KSR1: variants seen among roughly 807,000 people sequenced by gnomAD.
KSR1 encodes the protein kinase suppressor of ras.
KSR1 carries 35 observed loss-of-function variants against 92.9 expected under a neutral mutation model. The observed-to-expected ratio is 0.38, with a 90% CI of 0.29 to 0.50. The LOEUF (loss-of-function observed/expected upper bound fraction) is 0.50, where lower values mean the gene tolerates loss of function less well. Among genes scored for constraint, KSR1 ranks in the 20% least tolerant of loss-of-function variants. KSR1 has a pLI of 0.94. For missense variants in KSR1, 972 were observed against 1,158.5 expected (o/e 0.84, Z 2.34); for synonymous variants, 467 against 472.6 (o/e 0.99, Z 0.15).
Position 27,588,517 on chromosome 17 carries a change from G to T in KSR1, c.1028G>T (p.Gly343Val). 1 of 1,592,870 alleles carries T rather than the reference G, an allele frequency of 6.3e-7. No individual in the cohort carries two copies. Among genetic ancestry groups the T allele is most frequent in the East Asian group, 2.3e-5 (1 of 43,984 alleles). ...GSPQMVRRDI[G>V]LSVTHRFSTK... Reference sequence around the variant, plus strand: ...CCACAGATGGTACGGAGGGATATCGGGCTGTCGGTGACGCACAGGTAGGCA... The same window carrying T: ...CCACAGATGGTACGGAGGGATATCGTGCTGTCGGTGACGCACAGGTAGGCA... The change falls in exon 6 of 21, where the codon GGG (glycine) becomes GTG (valine). Residue 343 changes from glycine to valine, a missense_variant. By Grantham distance (109) the Gly-to-Val change is moderately radical. This residue lies in a region of KSR1 where 611 missense variants were observed against 668.0 expected (regional missense o/e 0.91). Coordinates refer to ENST00000644974, the MANE Select transcript of KSR1 (RefSeq NM_001394583.1).
In KSR1 at chr17:27,582,914, T is replaced by C. The variant is rs753343484; in HGVS notation, c.789T>C (p.Arg263=). 2.5e-5 allele frequency: 41 copies of C among 1,610,456 alleles called. 1 individual carries two copies. The South Asian group carries it at 4.4e-4, about 17-fold the overall frequency. ...PLHASGRLTP[R]ALHSFITPPT... ...ACGCCAGCGGCCGGCTGACCCCCCG[T>C]GCCCTGCACAGCTTCATCACCCCGC... Residue 263 remains arginine (R), a synonymous_variant, in exon 4 of 21, where the codon CGT becomes CGC. Coordinates refer to ENST00000644974, the MANE Select transcript of KSR1 (RefSeq NM_001394583.1).
chr17:27,530,955 A>G (rs928621697), intron 1 of KSR1, among the ~76,000 whole-genome samples: 1 of 152,216 alleles, frequency 6.6e-6, no homozygotes, highest in African/African-American at 2.4e-5. Context: ...ATAGTTTAGT[A>G]AGTGGTTTTA....
At chr17:27,563,346 G>A (rs567143806) in intron 2 of KSR1, among the ~76,000 whole-genome samples, 4 of 151,824 alleles carry the variant, frequency 2.6e-5, no homozygotes, top group South Asian at 2.1e-4. Flanking sequence ...CCACTGCAGC[G>A]TTCAACTCCC....
chr17:27,608,766 C>G (rs2073834260), intron 15 of KSR1, among the ~76,000 whole-genome samples: 1 of 152,178 alleles, frequency 6.6e-6, no homozygotes, highest in Non-Finnish European at 1.5e-5. Flanking sequence ...GTTCCCCCAC[C>G]TTGAGCCCTT....
chr17:27,515,484 T>TA (rs549813411), intron 1 of KSR1, among the ~76,000 whole-genome samples: 47 of 152,302 alleles, frequency 3.1e-4, no homozygotes, highest in Non-Finnish European at 5.3e-4. Flanking sequence ...CTAAACAACT[T>TA]AATGACTTTT....
intron 1 of KSR1, among the ~76,000 whole-genome samples, chr17:27,520,419 C>T (rs1323186957): frequency 6.6e-6 from 1 of 152,094 alleles, no homozygotes; most frequent in Non-Finnish European, 1.5e-5. Flanking sequence ...TTTTCCCCTC[C>T]CTGGACTTTA....
chr17:27,471,306 C>G (rs995909507), intron 1 of KSR1, among the ~76,000 whole-genome samples: 26 of 152,320 alleles, frequency 1.7e-4, no homozygotes, highest in South Asian at 2.1e-4. Flanking sequence ...GCCAAACAGA[C>G]AGACGTGCTC....
At chr17:27,560,331 C>A in intron 2 of KSR1, 1 of 452,694 alleles carries the variant, frequency 2.2e-6, no homozygotes, top group South Asian at 1.6e-5. Flanking sequence ...GCAAGCGCTG[C>A]CTGAGCAGTT....
intron 1 of KSR1, among the ~76,000 whole-genome samples, chr17:27,541,886 C>T (rs1032222076): frequency 3.3e-5 from 5 of 152,232 alleles, no homozygotes; most frequent in African/African-American, 1.2e-4. Context: ...GACTCGATGG[C>T]AGGCATGCAG....
Position 27,605,524 on chromosome 17 carries a change from C to A in KSR1, c.1705C>A (p.Pro569Thr). 1 of 1,598,138 alleles carries A rather than the reference C, an allele frequency of 6.3e-7. No homozygotes were observed. The highest frequency in any genetic ancestry group is 1.3e-5 in the African/African-American group (1 of 74,792). Reference protein sequence around the residue: ...LPSSRRPWRGPISRKASQTSV... With the variant: ...LPSSRRPWRGTISRKASQTSV... Reference sequence around the variant, plus strand: ...GAGCTCTCGCCGGCCCTGGCGGGGCCCCATCTCTCGCAAGGCCAGCCAGAC... The same window carrying A: ...GAGCTCTCGCCGGCCCTGGCGGGGCACCATCTCTCGCAAGGCCAGCCAGAC... The change falls in exon 14 of 21, where the codon CCC becomes ACC. Residue 569 changes from proline to threonine, a missense_variant. Coordinates refer to ENST00000644974, the MANE Select transcript of KSR1 (RefSeq NM_001394583.1).
At chr17:27,607,855 G>T in intron 14 of KSR1, 59 bp from the exon 15 acceptor site, 1 of 1,274,730 alleles carries the variant, frequency 7.8e-7, no homozygotes, top group Non-Finnish European at 1.1e-6. Context: ...GCTCCACCAG[G>T]GTTGGGGTCA....
At chr17:27,610,256 G>A in intron 17 of KSR1, 58 bp downstream of exon 17, 2 of 1,608,306 alleles carry the variant, frequency 1.2e-6, no homozygotes, top group Non-Finnish European at 1.7e-6. Flanking sequence ...GGCCCTGGTG[G>A]CCATTGGGGG....
chr17:27,566,811 G>A (rs1001433079), intron 2 of KSR1, among the ~76,000 whole-genome samples: 1 of 152,232 alleles, frequency 6.6e-6, no homozygotes, highest in Non-Finnish European at 1.5e-5. Context: ...CTAGTGAATA[G>A]TGTTTGGTCA....
chr17:27,526,348 C>A, intron 1 of KSR1: 1 of 1,348,356 alleles, frequency 7.4e-7, no homozygotes, highest in Non-Finnish European at 1.0e-6. Context: ...ACATTCTTTG[C>A]CAACACAATT....
At chr17:27,558,801 G>A (rs965379317) in intron 2 of KSR1, among the ~76,000 whole-genome samples, 1 of 151,676 alleles carries the variant, frequency 6.6e-6, no homozygotes, top group Non-Finnish European at 1.5e-5. Flanking sequence ...CATCTTTGCA[G>A]TCAGTGCCTG....
chr17:27,606,941 C>T (rs962819678), intron 14 of KSR1, among the ~76,000 whole-genome samples: 3 of 152,164 alleles, frequency 2.0e-5, no homozygotes, highest in Non-Finnish European at 4.4e-5. Context: ...AAGCAATTTT[C>T]GTGCCTCAGC....
chr17:27,470,786 C>T (rs979139300), intron 1 of KSR1, among the ~76,000 whole-genome samples: 7 of 152,092 alleles, frequency 4.6e-5, no homozygotes, highest in Non-Finnish European at 1.0e-4. Flanking sequence ...TTCTTCTCTC[C>T]TTTATTCTCC....
At chr17:27,564,050 A>G (rs566506544) in intron 2 of KSR1, among the ~76,000 whole-genome samples, 1 of 121,016 alleles carries the variant, frequency 8.3e-6, no homozygotes, top group Non-Finnish European at 1.6e-5. Flanking sequence ...GTGCAATGGC[A>G]CGATCTCGGC....
At position 27,498,907 on chromosome 17, in the gene KSR1, A is replaced by G. The variant is rs17715850; in HGVS notation, c.231+42033A>G. 2.0e-3 allele frequency among the ~76,000 whole-genome samples: 310 copies of G among 152,354 alleles called. 1 individual carries two copies. The highest frequency in any genetic ancestry group is 7.7e-3 in the South Asian group (37 of 4,830). On this transcript the variant is annotated intron_variant, in intron 1 of 20. Coordinates refer to ENST00000644974, the MANE Select transcript of KSR1 (RefSeq NM_001394583.1). ...CTTTGAGGAAGAAGCAAAGGGCGGC[A>G]TGAGGCACTGAAAGAAATGAGTGCA...
Sources: allele counts gnomAD v4.1 joint callset (sites outside exome capture counted in the v4.1 genomes callset), GRCh38; gene constraint gnomAD v4.1.1; regional missense constraint gnomAD v4.1.1; transcripts MANE v1.5; gene names NCBI Gene and HGNC (gene_info 2026-07-23, HGNC 2026-07-21).